PLEKHM3: variants seen among roughly 807,000 people sequenced by gnomAD.
PLEKHM3 encodes the protein pleckstrin homology domain-containing family M member 3.
A neutral mutation model predicts 81.8 loss-of-function variants in PLEKHM3; 45 were observed. The ratio of observed to expected loss-of-function variants is 0.55; its 90% CI spans 0.43 to 0.71. The LOEUF is 0.71. Among genes scored for constraint, PLEKHM3 ranks in the 30% least tolerant of loss-of-function variants. The pLI is 0.00. For missense variants in PLEKHM3, 788 were observed against 924.3 expected, an observed-to-expected ratio of 0.85 and a Z score of 1.91; for synonymous variants, 352 against 356.4, an observed-to-expected ratio of 0.99 and a Z score of 0.14.
intron 5 of PLEKHM3, among the ~76,000 whole-genome samples, chr2:207,910,545 C>T (rs1688778538): frequency 2.0e-5 from 3 of 152,294 alleles, no homozygotes; most frequent in Non-Finnish European, 4.4e-5. Flanking sequence ...GGTCACAGAG[C>T]TGAGTTTCAA....
At chr2:208,024,142 CAAAATAAAATAAAATAAAATAAAAT>C (rs57377948) in intron 1 of PLEKHM3, among the ~76,000 whole-genome samples, 1,424 of 137,792 alleles carry the variant, frequency 0.01, 27 homozygotes, top group African/African-American at 0.038. Flanking sequence ...GACCCTGTCT[CAAAATAAAATAAAATAAAATAAAAT>C]AAAATAAAAT....
chr2:207,830,680 G>GTGTCCTT (rs1559198470), intron 7 of PLEKHM3, among the ~76,000 whole-genome samples: 2 of 143,878 alleles, frequency 1.4e-5, no homozygotes, highest in Non-Finnish European at 3.1e-5. Flanking sequence ...GTCCTTAGAA[G>GTGTCCTT]AAGGACACTT....
intron 5 of PLEKHM3, among the ~76,000 whole-genome samples, chr2:207,920,618 T>A: frequency 6.6e-6 from 1 of 152,032 alleles, no homozygotes. Flanking sequence ...CTACTTGATT[T>A]TAAAAAGCTG....
At chr2:207,837,631 C>CTTT (rs2092326560) in intron 7 of PLEKHM3, among the ~76,000 whole-genome samples, 2 of 63,232 alleles carry the variant, frequency 3.2e-5, no homozygotes, top group African/African-American at 7.6e-5. Flanking sequence ...AATAGTTCTC[C>CTTT]CTTTTTTTTT....
intron 1 of PLEKHM3, among the ~76,000 whole-genome samples, chr2:208,004,352 A>G (rs1692423049): frequency 6.6e-6 from 1 of 151,570 alleles, no homozygotes; most frequent in African/African-American, 2.4e-5. Context: ...AGAGAGTCGG[A>G]GGTTGCAGTG....
chr2:207,985,462 C>A (rs1382538397), intron 2 of PLEKHM3, among the ~76,000 whole-genome samples: 1 of 151,686 alleles, frequency 6.6e-6, no homozygotes, highest in African/African-American at 2.4e-5. Flanking sequence ...AAATTATTCC[C>A]CAAATCAGTA....
At chr2:207,948,613 G>A (rs1467974197) in intron 3 of PLEKHM3, among the ~76,000 whole-genome samples, 13 of 147,572 alleles carry the variant, frequency 8.8e-5, no homozygotes, top group African/African-American at 3.0e-4. Flanking sequence ...GCGCGATTTC[G>A]GCTCGCTGCA....
At chr2:208,014,312 C>T (rs906573120) in intron 1 of PLEKHM3, among the ~76,000 whole-genome samples, 5 of 152,204 alleles carry the variant, frequency 3.3e-5, no homozygotes, top group African/African-American at 9.7e-5. Context: ...GCCCATCACA[C>T]AGGACAGAAG....
chr2:207,918,861 G>A (rs984721165), intron 5 of PLEKHM3, among the ~76,000 whole-genome samples: 1 of 152,278 alleles, frequency 6.6e-6, no homozygotes, highest in Admixed American at 6.5e-5. Flanking sequence ...AAAGGGCAGC[G>A]CCAGTGCATG....
chr2:208,013,847 C>T (rs893875709), intron 1 of PLEKHM3, among the ~76,000 whole-genome samples: 4 of 152,280 alleles, frequency 2.6e-5, no homozygotes, highest in Admixed American at 2.0e-4. Context: ...AAACAACAAC[C>T]GGCTTATGGC....
At chr2:207,905,681 T>C (rs1163054716) in intron 6 of PLEKHM3, among the ~76,000 whole-genome samples, 1 of 152,156 alleles carries the variant, frequency 6.6e-6, no homozygotes, top group African/African-American at 2.4e-5. Flanking sequence ...CCTTTAAATA[T>C]GATAAGTTTG....
chr2:207,824,544 T>C lies in PLEKHM3; in HGVS notation c.*3775A>G, dbSNP rs1438284339. On this transcript the variant is annotated 3_prime_UTR_variant, in exon 8 of 8. Transcript: ENST00000427836. ...ACGCCCCTCTGCAGAAAATGTTCAG[T>C]GTGCGTGGCATCGTGCTAGTCCCAC... The C allele has an allele frequency of 6.6e-6, 1 of 152,218 alleles. No homozygotes were observed. Among genetic ancestry groups the C allele is most frequent in the Non-Finnish European group, 1.5e-5 (1 of 68,060 alleles). The allele number at this position is 152,218 out of a possible 1,614,324, so 9.4% of individuals were successfully genotyped here.
intron 6 of PLEKHM3, among the ~76,000 whole-genome samples, chr2:207,894,310 G>C (rs1280954952): frequency 6.6e-6 from 1 of 152,184 alleles, no homozygotes; most frequent in Non-Finnish European, 1.5e-5. Flanking sequence ...CGTGGCACCA[G>C]TTGAAACTGA....
chr2:207,927,515 CAAAA>C (rs527604593), intron 5 of PLEKHM3, among the ~76,000 whole-genome samples: 1 of 69,984 alleles, frequency 1.4e-5, no homozygotes. Flanking sequence ...GACTCTGTCT[CAAAA>C]AAAAAAAAAA....
At chr2:207,831,635 C>A (rs921586858) in intron 7 of PLEKHM3, among the ~76,000 whole-genome samples, 2 of 152,198 alleles carry the variant, frequency 1.3e-5, no homozygotes, top group Non-Finnish European at 2.9e-5. Context: ...GCAAAGGCTG[C>A]GACGCCGCCC....
chr2:207,949,481 A>G (rs1690258696), intron 3 of PLEKHM3, among the ~76,000 whole-genome samples: 1 of 152,212 alleles, frequency 6.6e-6, no homozygotes, highest in South Asian at 2.1e-4. Context: ...TCAAGGCTGC[A>G]GTGAGCTGTG....
chr2:207,881,075 TAGTC>T (rs1375371215), intron 6 of PLEKHM3, among the ~76,000 whole-genome samples: 1 of 150,408 alleles, frequency 6.6e-6, no homozygotes, highest in Non-Finnish European at 1.5e-5. Flanking sequence ...TTATCTTAAA[TAGTC>T]AGAAGATAAA....
chr2:207,963,895 C>G (rs1690822383), intron 3 of PLEKHM3, among the ~76,000 whole-genome samples: 1 of 152,132 alleles, frequency 6.6e-6, no homozygotes, highest in Non-Finnish European at 1.5e-5. Flanking sequence ...AGAGAAAACT[C>G]AAGTATGGGT....
At position 207,923,903 on chromosome 2, in the gene PLEKHM3, A is replaced by ATTTT. The variant is rs1235482345; in HGVS notation, c.1886+7022_1886+7023insAAAA. On this transcript the variant is annotated intron_variant, in intron 5 of 7. Transcript: ENST00000427836. ...CACATATATATATATATATATATATATATTTTTTTTTTTTTTTTTTTCTGA... is the reference window on the plus strand; with the variant it reads ...CACATATATATATATATATATATATATTTTTATTTTTTTTTTTTTTTTTTTCTGA... Among the ~76,000 whole-genome samples the ATTTT allele has an allele frequency of 1.1e-3, 63 of 59,822 alleles. 1 individual carries two copies. The highest frequency in any genetic ancestry group is 2.7e-3 in the African/African-American group (41 of 15,148). 39.2% of individuals were successfully genotyped at this position (59,822 alleles called of 152,430 possible). A position where few individuals can be genotyped will look rare whatever the true frequency, so the allele number is the denominator to read the frequency against.
Sources: allele counts gnomAD v4.1 joint callset (sites outside exome capture counted in the v4.1 genomes callset), GRCh38; gene constraint gnomAD v4.1.1; transcripts MANE v1.5; gene names NCBI Gene and HGNC (gene_info 2026-07-23, HGNC 2026-07-21).